ELAPOR1: variants seen among roughly 807,000 people sequenced by gnomAD.
ELAPOR1 encodes endosome-lysosome associated apoptosis and autophagy regulator 1, also known as endosome/lysosome-associated apoptosis and autophagy regulator 1.
A neutral mutation model predicts 119.7 loss-of-function variants in ELAPOR1; 77 were observed. The observed-to-expected ratio is 0.64, with a 90% CI of 0.54 to 0.78. ELAPOR1 has a LOEUF of 0.78. ELAPOR1 is among the 30% of genes least tolerant of loss of function. The pLI is 0.00. For synonymous variants in ELAPOR1, 481 were observed against 487.2 expected, an observed-to-expected ratio of 0.99 and a Z score of 0.17; for missense variants, 1,115 against 1,270.4, an observed-to-expected ratio of 0.88 and a Z score of 1.86.
At chr1:109,184,785 G>A (rs927439188) in intron 7 of ELAPOR1, among the ~76,000 whole-genome samples, 7 of 152,204 alleles carry the variant, frequency 4.6e-5, no homozygotes, top group African/African-American at 1.7e-4. Flanking sequence ...CTTGCCCCAT[G>A]GGGCGGGGGA....
Position 109,199,872 on chromosome 1 carries a change from C to A in ELAPOR1, c.2520C>A (p.Thr840=), listed in dbSNP as rs934715935. 35 of 1,612,786 alleles carry A rather than the reference C, an allele frequency of 2.2e-5. No homozygotes were observed. The highest frequency in any genetic ancestry group is 3.0e-5 in the Non-Finnish European group (35 of 1,180,024). Residue 840 remains threonine (T), a synonymous_variant, in exon 19 of 22, where the codon ACC becomes ACA. Coordinates refer to ENST00000369939, the MANE Select transcript of ELAPOR1 (RefSeq NM_020775.5). The part of the protein sequence containing the change: ...LLLPGTCSDG[T]CDGCNFHFLW... ...TTGCTAGAACGTGCTCGGATGGGAC[C>A]TGTGATGGCTGCAACTTCCACTTCC...
At chr1:109,199,279 C>T (rs1278774779) in intron 18 of ELAPOR1, among the ~76,000 whole-genome samples, 3 of 152,142 alleles carry the variant, frequency 2.0e-5, no homozygotes, top group East Asian at 3.8e-4. Context: ...AACATCTTGA[C>T]GGGCACTAGC....
In ELAPOR1 at chr1:109,191,268, CT is replaced by C; in HGVS notation, c.1440-96del. ...CACACGCTTTCCATCATACTCAGAA[CT>C]TAACCCTGTCCCCCAGCAGACGCTC... On this transcript the variant is annotated intron_variant, in intron 11 of 21. Coordinates refer to ENST00000369939, the MANE Select transcript of ELAPOR1 (RefSeq NM_020775.5). 8.8e-6 allele frequency: 7 copies of C among 792,494 alleles called. No individual in the cohort carries two copies. In the South Asian group the frequency reaches 1.1e-4, roughly 13 times the overall value. The allele number at this position is 792,494 out of a possible 1,614,324, so 49.1% of individuals were successfully genotyped here.
At chr1:109,130,004 T>C (rs1649050061) in intron 1 of ELAPOR1, among the ~76,000 whole-genome samples, 1 of 151,958 alleles carries the variant, frequency 6.6e-6, no homozygotes, top group Non-Finnish European at 1.5e-5. Context: ...TTCCAGCCTC[T>C]GGTGGTTGCC....
intron 1 of ELAPOR1, 103 bp from the exon 2 acceptor site, chr1:109,161,791 A>C: frequency 7.1e-7 from 1 of 1,405,114 alleles, no homozygotes; most frequent in Non-Finnish European, 9.8e-7. Context: ...CCCATTTCTG[A>C]GAGGATGAGC....
At chr1:109,181,325 C>T (rs1652682593) in intron 7 of ELAPOR1, among the ~76,000 whole-genome samples, 1 of 152,172 alleles carries the variant, frequency 6.6e-6, no homozygotes, top group Non-Finnish European at 1.5e-5. Flanking sequence ...ACTTTATCTT[C>T]TTACAGTTTT....
intron 1 of ELAPOR1, among the ~76,000 whole-genome samples, chr1:109,135,274 C>T (rs1361831657): frequency 6.6e-6 from 1 of 152,018 alleles, no homozygotes; most frequent in Admixed American, 6.6e-5. Context: ...GATGGAGTCT[C>T]GCTCTGTCCC....
intron 1 of ELAPOR1, among the ~76,000 whole-genome samples, chr1:109,147,072 A>AT (rs35132655): frequency 0.64 from 89,764 of 141,214 alleles, 29,988 homozygotes; most frequent in East Asian, 0.91. Context: ...CGCCTGGCTA[A>AT]TTTTTTTTTT....
At chr1:109,114,739 A>G (rs926016109) in intron 1 of ELAPOR1, among the ~76,000 whole-genome samples, 1 of 152,186 alleles carries the variant, frequency 6.6e-6, no homozygotes, top group Non-Finnish European at 1.5e-5. Flanking sequence ...GGGAGAGGAA[A>G]GGAGTTAGGA....
chr1:109,173,426 C>T (rs370109152), intron 5 of ELAPOR1, 48 bp from the exon 6 acceptor site: 16 of 1,507,390 alleles, frequency 1.1e-5, no homozygotes, highest in African/African-American at 5.5e-5. Flanking sequence ...AACAGATTAG[C>T]GAGATTTTTC....
rs1654482167 is a variant in ELAPOR1, at chr1:109,206,161, T to C, written c.*3149T>C. On this transcript the variant is annotated 3_prime_UTR_variant, in exon 22 of 22. Transcript: ENST00000369939. ...TCCCCAGTAGCTGGGATTACAAGCA[T>C]GCGCCACCACGCCTAGCTAATTTTT... 3.3e-5 allele frequency: 5 copies of C among 152,160 alleles called. No homozygotes were observed. Among genetic ancestry groups the C allele is most frequent in the Admixed American group, 2.0e-4 (3 of 15,268 alleles). The allele number at this position is 152,160 out of a possible 1,614,324, so 9.4% of individuals were successfully genotyped here.
At chr1:109,188,408 G>C in intron 9 of ELAPOR1, 54 bp downstream of exon 9, 1 of 1,554,788 alleles carries the variant, frequency 6.4e-7, no homozygotes, top group Non-Finnish European at 8.8e-7. Flanking sequence ...TGGGTGGGCT[G>C]TGTGGGCACT....
intron 1 of ELAPOR1, among the ~76,000 whole-genome samples, chr1:109,148,895 T>A (rs1650351952): frequency 6.6e-6 from 1 of 152,228 alleles, no homozygotes; most frequent in African/African-American, 2.4e-5. Context: ...AGAAAGAGAT[T>A]GGAATTTATA....
At chr1:109,152,943 C>T (rs1650621423) in intron 1 of ELAPOR1, among the ~76,000 whole-genome samples, 2 of 132,774 alleles carry the variant, frequency 1.5e-5, no homozygotes, top group Admixed American at 1.6e-4. Flanking sequence ...TGGAGTTAGA[C>T]CCTGTCTCCA....
At chr1:109,167,553 T>C (rs1651673367) in intron 3 of ELAPOR1, among the ~76,000 whole-genome samples, 1 of 152,222 alleles carries the variant, frequency 6.6e-6, no homozygotes, top group South Asian at 2.1e-4. Context: ...GCTCATCTCC[T>C]GCTTCCATTC....
intron 1 of ELAPOR1, among the ~76,000 whole-genome samples, chr1:109,140,098 CATTT>C (rs370169097): frequency 5.3e-5 from 8 of 151,634 alleles, no homozygotes; most frequent in Non-Finnish European, 8.8e-5. Flanking sequence ...TAGTATATAT[CATTT>C]ATTTATTTAT....
At chr1:109,162,790 G>C (rs909817130) in intron 2 of ELAPOR1, among the ~76,000 whole-genome samples, 1 of 152,272 alleles carries the variant, frequency 6.6e-6, no homozygotes, top group African/African-American at 2.4e-5. Flanking sequence ...GCTGAGACCT[G>C]AGCAGAACTG....
At chr1:109,132,741 G>C (rs972355650) in intron 1 of ELAPOR1, among the ~76,000 whole-genome samples, 4 of 152,186 alleles carry the variant, frequency 2.6e-5, no homozygotes, top group African/African-American at 7.2e-5. Flanking sequence ...CCAGTGTAAT[G>C]GGAGGAGCAG....
In ELAPOR1 at chr1:109,114,209, A is replaced by G; in HGVS notation, c.26A>G (p.His9Arg). 6.2e-7 allele frequency: 1 copy of G among 1,604,038 alleles called. No individual in the cohort carries two copies. Among genetic ancestry groups the G allele is most frequent in the Admixed American group, 1.7e-5 (1 of 58,828 alleles). MAEPGHSH[H>R]LSARVRGRTE... ...ATGGCTGAGCCTGGGCACAGCCACC[A>G]TCTCTCCGCCAGAGTCAGGGGAAGA... The change falls in exon 1 of 22, where the codon CAT becomes CGT. Residue 9 changes from histidine to arginine, a missense_variant. Coordinates refer to ENST00000369939, the MANE Select transcript of ELAPOR1 (RefSeq NM_020775.5).
Sources: gnomAD v4.1 joint callset for allele counts (sites outside exome capture counted in the v4.1 genomes callset) on GRCh38, gnomAD v4.1.1 for gene constraint, MANE v1.5 for transcripts, NCBI Gene and HGNC (gene_info 2026-07-23, HGNC 2026-07-21) for gene names.